Variants in ASPRV1 observed in about 807,000 individuals in gnomAD.
ASPRV1 encodes aspartic peptidase retroviral like 1.
A neutral mutation model predicts 11.0 loss-of-function variants in ASPRV1; 7 were observed. That is an observed-to-expected ratio of 0.64 (90% CI 0.36 to 1.20). ASPRV1 has a LOEUF of 1.20. ASPRV1 is among the 50% of genes most tolerant of loss of function. The pLI is 0.02. For missense variants in ASPRV1, 299 were observed against 320.0 expected, an observed-to-expected ratio of 0.93 and a Z score of 0.50; for synonymous variants, 136 against 138.4, an observed-to-expected ratio of 0.98 and a Z score of 0.12.
the ASPRV1 span, among the ~76,000 whole-genome samples, chr2:70,051,808 TA>T: frequency 6.6e-6 from 1 of 151,074 alleles, no homozygotes; most frequent in East Asian, 2.0e-4. Context: ...ACCCCATCTT[TA>T]GAAAAAAATT....
the ASPRV1 span, among the ~76,000 whole-genome samples, chr2:70,065,502 T>G: frequency 3.3e-5 from 5 of 150,870 alleles, no homozygotes; most frequent in Admixed American, 6.6e-5. Flanking sequence ...ATAAGTGCGA[T>G]CACAGAATTA....
At chr2:69,937,205 G>A in the ASPRV1 span, 2 of 1,610,880 alleles carry the variant, frequency 1.2e-6, no homozygotes, top group East Asian at 4.5e-5. Flanking sequence ...TCTCCCTGTG[G>A]GGCCCAACAA....
At chr2:69,942,217 C>A in the ASPRV1 span, 16 of 152,218 alleles carry the variant, frequency 1.1e-4, no homozygotes, top group African/African-American at 3.9e-4. Context: ...TTTAAAAACT[C>A]TTCCTGGTAG....
At chr2:70,064,410 G>T in the ASPRV1 span, among the ~76,000 whole-genome samples, 1 of 152,120 alleles carries the variant, frequency 6.6e-6, no homozygotes, top group Non-Finnish European at 1.5e-5. Flanking sequence ...GAAGGACACA[G>T]ACAACAAAAT....
chr2:69,982,870 TG>T, the ASPRV1 span, among the ~76,000 whole-genome samples: 1 of 152,230 alleles, frequency 6.6e-6, no homozygotes, highest in African/African-American at 2.4e-5. Flanking sequence ...CTAGCAAGGC[TG>T]GCAGATGGGC....
At chr2:69,985,532 C>T in the ASPRV1 span, among the ~76,000 whole-genome samples, 1 of 152,176 alleles carries the variant, frequency 6.6e-6, no homozygotes, top group Admixed American at 6.5e-5. Context: ...TCCACTTAGA[C>T]TTAGGAAACT....
chr2:70,035,808 C>T, the ASPRV1 span, among the ~76,000 whole-genome samples: 8 of 151,662 alleles, frequency 5.3e-5, no homozygotes, highest in Admixed American at 3.9e-4. Flanking sequence ...TATCAGCTAG[C>T]AAATACACAA....
the ASPRV1 span, among the ~76,000 whole-genome samples, chr2:70,017,672 A>G: frequency 1.3e-5 from 2 of 152,216 alleles, no homozygotes; most frequent in Non-Finnish European, 2.9e-5. Flanking sequence ...ACTGATAAAC[A>G]TATTCAGTAA....
chr2:69,988,883 G>A, the ASPRV1 span: 1 of 450,600 alleles, frequency 2.2e-6, no homozygotes, highest in Non-Finnish European at 4.5e-6. Flanking sequence ...GTCACACACA[G>A]GTTCCCCTCA....
downstream of ASPRV1, among the ~76,000 whole-genome samples, chr2:69,956,531 G>C (rs1371422190): frequency 6.7e-6 from 1 of 149,590 alleles, no homozygotes; most frequent in African/African-American, 2.5e-5. Flanking sequence ...AGGAGGAGAA[G>C]GAGGAGGAGG....
the ASPRV1 span, among the ~76,000 whole-genome samples, chr2:69,966,859 A>G: frequency 6.6e-6 from 1 of 152,108 alleles, no homozygotes; most frequent in Non-Finnish European, 1.5e-5. Flanking sequence ...TGCTCCTAAC[A>G]TACAGAAGAT....
At chr2:69,936,436 T>TA in the ASPRV1 span, among the ~76,000 whole-genome samples, 21 of 152,196 alleles carry the variant, frequency 1.4e-4, no homozygotes, top group Non-Finnish European at 2.5e-4. Flanking sequence ...TAGCAAAGGG[T>TA]AAGGGGAATT....
At chr2:70,047,616 G>A in the ASPRV1 span, among the ~76,000 whole-genome samples, 90 of 152,270 alleles carry the variant, frequency 5.9e-4, no homozygotes, top group African/African-American at 1.9e-3. Context: ...ATCCTCCCCC[G>A]ACATAGTCAC....
At chr2:70,033,276 AACACACACAC>A in the ASPRV1 span, among the ~76,000 whole-genome samples, 26 of 141,610 alleles carry the variant, frequency 1.8e-4, no homozygotes, top group African/African-American at 2.9e-4. Flanking sequence ...TCAAACAGAA[AACACACACAC>A]ACACACACAC....
At chr2:69,991,627 A>C in the ASPRV1 span, among the ~76,000 whole-genome samples, 10 of 151,982 alleles carry the variant, frequency 6.6e-5, no homozygotes, top group Middle Eastern at 3.4e-3. Flanking sequence ...GGCTCACCAC[A>C]ATCTTCGCCT....
chr2:69,993,808 C>T, the ASPRV1 span: 2 of 152,324 alleles, frequency 1.3e-5, no homozygotes, highest in Non-Finnish European at 2.9e-5. Flanking sequence ...TTACAACCTT[C>T]CTTACAGCCT....
At position 69,960,503 on chromosome 2, in the gene ASPRV1, T is replaced by G; in HGVS notation, c.*154A>C. ...GGAAGCCTCCCCTACCAGGGGCAGA[T>G]TAAGGCCCCTGCAGAGGGAGGCAAA... On this transcript the variant is annotated 3_prime_UTR_variant, in exon 1 of 1. Coordinates refer to ENST00000320256, the MANE Select transcript of ASPRV1 (RefSeq NM_152792.4). 3 of 781,872 alleles carry G rather than the reference T, an allele frequency of 3.8e-6. No homozygotes were observed. The highest frequency in any genetic ancestry group is 6.0e-6 in the Non-Finnish European group (3 of 501,294). The allele number at this position is 781,872 out of a possible 1,614,324, so 48.4% of individuals were successfully genotyped here.
the ASPRV1 span, among the ~76,000 whole-genome samples, chr2:69,954,633 G>A: frequency 6.6e-6 from 1 of 152,270 alleles, no homozygotes; most frequent in East Asian, 1.9e-4. Flanking sequence ...CAGCAGGCTT[G>A]TCCTTGCCTC....
At chr2:69,937,859 C>T in the ASPRV1 span, among the ~76,000 whole-genome samples, 1 of 152,340 alleles carries the variant, frequency 6.6e-6, no homozygotes, top group South Asian at 2.1e-4. Context: ...AGTAATTCAC[C>T]CACCTTGGCC....
Sources: allele counts gnomAD v4.1 joint callset (sites outside exome capture counted in the v4.1 genomes callset), GRCh38; gene constraint gnomAD v4.1.1; transcripts MANE v1.5; gene names NCBI Gene and HGNC (gene_info 2026-07-23, HGNC 2026-07-21).